Variants in RNF144A observed in about 807,000 individuals in gnomAD.
RNF144A encodes E3 ubiquitin-protein ligase RNF144A.
A neutral mutation model predicts 38.7 loss-of-function variants in RNF144A; 11 were observed. That is an observed-to-expected ratio of 0.28 (90% confidence interval 0.18 to 0.47). The LOEUF (loss-of-function observed/expected upper bound fraction) is 0.47, where lower values mean the gene tolerates loss of function less well. Ranked by LOEUF, RNF144A falls within the 20% of genes least tolerant of loss-of-function variation. The pLI is 0.99. For missense variants in RNF144A, 316 were observed against 377.2 expected, an observed-to-expected ratio of 0.84 and a Z score of 1.34; for synonymous variants, 149 against 143.9, an observed-to-expected ratio of 1.04 and a Z score of -0.25.
At position 6,990,385 on chromosome 2, in the gene RNF144A, TACACACACACACACACACACACAC is replaced by T. The variant is rs60196595; in HGVS notation, c.-11-6503_-11-6480del. ...TTCCTTCCTAAAGACTATATATATT[TACACACACACACACACACACACAC>T]ACACACACACACACACACACACACA... On this transcript the variant is annotated intron_variant, in intron 2 of 8. Transcript: ENST00000320892. Among the ~76,000 whole-genome samples the T allele has an allele frequency of 5.6e-5, 7 of 123,894 alleles. No homozygotes were observed. The South Asian group carries it at 8.2e-4, about 14-fold the overall frequency. The allele number at this position is 123,894 out of a possible 152,430, so 81.3% of individuals were successfully genotyped here.
chr2:6,974,362 G>C (rs974496548), intron 2 of RNF144A, among the ~76,000 whole-genome samples: 2 of 152,158 alleles, frequency 1.3e-5, no homozygotes, highest in Non-Finnish European at 1.5e-5. Flanking sequence ...TGCCGTTGCC[G>C]TGTCCGTGGT....
downstream of RNF144A, among the ~76,000 whole-genome samples, chr2:7,071,336 C>T (rs1035291363): frequency 1.3e-5 from 2 of 152,168 alleles, no homozygotes; most frequent in African/African-American, 4.8e-5. Context: ...TTGGATTTCC[C>T]TAGCATGGGA....
At chr2:7,052,198 G>A (rs1274742953) in intron 6 of RNF144A, among the ~76,000 whole-genome samples, 3 of 152,012 alleles carry the variant, frequency 2.0e-5, no homozygotes, top group Non-Finnish European at 4.4e-5. Context: ...AAAACAAAAC[G>A]CTGGCCGTGG....
At chr2:7,069,150 T>C (rs1471294534), downstream of RNF144A, among the ~76,000 whole-genome samples, 3 of 152,150 alleles carry the variant, frequency 2.0e-5, no homozygotes, top group Admixed American at 2.0e-4. Flanking sequence ...AGGTGTTGAG[T>C]TGGGGATAGC....
At chr2:6,977,331 G>A (rs1043190068) in intron 2 of RNF144A, among the ~76,000 whole-genome samples, 1 of 152,254 alleles carries the variant, frequency 6.6e-6, no homozygotes, top group Non-Finnish European at 1.5e-5. Flanking sequence ...GGAAGGGAAA[G>A]TTGCGTATGC....
rs1572488938 is a variant in RNF144A at position 7,056,591 on chromosome 2, G to A, written c.735-11625G>A. On this transcript the variant is annotated intron_variant, in intron 6 of 6. Coordinates refer to the RNF144A transcript ENST00000432850. The stretch of plus-strand genomic sequence containing the variant: ...CTCTCTTCTAGGTCATTCCAGTTAT[G>A]GTTCCTGCAGCACTGGCCCCATTCC... Among the ~76,000 whole-genome samples the A allele has an allele frequency of 3.9e-5, 6 of 152,262 alleles. No homozygotes were observed. The South Asian group carries it at 1.2e-3, about 32-fold the overall frequency.
chr2:7,041,814 C>T lies in RNF144A; in HGVS notation c.*2054C>T, dbSNP rs373565609. ...TGAGCCCACACAGTAGCACCCCCGT[C>T]CTTAGGATGAGAGTCAGAGCCTTTG... On this transcript the variant is annotated 3_prime_UTR_variant, in exon 9 of 9. Coordinates refer to ENST00000320892, the MANE Select transcript of RNF144A (RefSeq NM_014746.6). The T allele has an allele frequency of 3.0e-6, 3 of 985,526 alleles. No homozygotes were observed. The highest frequency in any genetic ancestry group is 2.3e-4 in the East Asian group (2 of 8,814). 61.0% of individuals were successfully genotyped at this position (985,526 alleles called of 1,614,324 possible).
chr2:6,985,293 T>C (rs897993384), intron 2 of RNF144A, among the ~76,000 whole-genome samples: 1 of 119,578 alleles, frequency 8.4e-6, no homozygotes, highest in Non-Finnish European at 1.7e-5. Context: ...TTTTTTTTTT[T>C]AACAATGAGA....
chr2:6,942,665 C>T lies in RNF144A; in HGVS notation c.-12+1518C>T, dbSNP rs115545977. On this transcript the variant is annotated intron_variant, in intron 2 of 8. Transcript: ENST00000320892. Reference sequence around the variant, plus strand: ...TCACCAGTGGAGATGGAGTAGGTTGCAGCCAGAGAAGGTTTGGGTGCAAAA... The same window carrying T: ...TCACCAGTGGAGATGGAGTAGGTTGTAGCCAGAGAAGGTTTGGGTGCAAAA... 8.5e-3 allele frequency among the ~76,000 whole-genome samples: 1,296 copies of T among 152,276 alleles called. 18 individuals are homozygous for T. Among genetic ancestry groups the T allele is most frequent in the African/African-American group, 0.029 (1,204 of 41,546 alleles).
chr2:6,996,489 C>A (rs1669748891), intron 2 of RNF144A, among the ~76,000 whole-genome samples: 1 of 152,060 alleles, frequency 6.6e-6, no homozygotes, highest in Non-Finnish European at 1.5e-5. Flanking sequence ...GGCAGGCACC[C>A]CTGGTTAAAA....
intron 2 of RNF144A, among the ~76,000 whole-genome samples, chr2:6,991,948 CACATATGTCAG>C (rs1669413392): frequency 6.6e-6 from 1 of 152,132 alleles, no homozygotes; most frequent in African/African-American, 2.4e-5. Context: ...GGTAAATTCA[CACATATGTCAG>C]ACTTTGAGGG....
rs532842890 is a variant in RNF144A, at chr2:6,934,432, C to T, written c.-211-6516C>T. Among the ~76,000 whole-genome samples the T allele has an allele frequency of 4.7e-4, 71 of 152,150 alleles. No homozygotes were observed. The South Asian group carries it at 5.0e-3, about 11-fold the overall frequency. ...TAATGAGAATAATTATTCCCAGTTT[C>T]GTTACTTACTTTTTACTTGTCTTAT... On this transcript the variant is annotated intron_variant, in intron 1 of 8. Coordinates refer to ENST00000320892, the MANE Select transcript of RNF144A (RefSeq NM_014746.6).
At chr2:6,986,494 C>A (rs1668976112) in intron 2 of RNF144A, among the ~76,000 whole-genome samples, 1 of 152,140 alleles carries the variant, frequency 6.6e-6, no homozygotes, top group Non-Finnish European at 1.5e-5. Flanking sequence ...CCCTCAAGAT[C>A]AGCAAGTACT....
rs1222000840 is a variant in RNF144A at position 6,943,803 on chromosome 2, T to G, written c.-12+2656T>G. Among the ~76,000 whole-genome samples, 3 of 152,138 alleles carry G rather than the reference T, an allele frequency of 2.0e-5. No homozygotes were observed. Among genetic ancestry groups the G allele is most frequent in the Non-Finnish European group, 4.4e-5 (3 of 68,020 alleles). ...TGAAATGGGAGTCAAAGCCAGCATC[T>G]GAGCATGCTACATGGAGAGGGATTG... On this transcript the variant is annotated intron_variant, in intron 2 of 8. Transcript: ENST00000320892. The surrounding 1 kb of genome is among the most constrained non-coding windows in gnomAD (Gnocchi z 4.3).
intron 2 of RNF144A, among the ~76,000 whole-genome samples, chr2:6,995,128 G>T (rs1018387980): frequency 1.3e-5 from 2 of 152,188 alleles, no homozygotes; most frequent in Non-Finnish European, 2.9e-5. Flanking sequence ...GAATTCACCA[G>T]GTGGGTTTTC....
chr2:7,027,698 G>C (rs563023975), intron 7 of RNF144A, among the ~76,000 whole-genome samples: 2 of 152,080 alleles, frequency 1.3e-5, no homozygotes, highest in Non-Finnish European at 2.9e-5. Flanking sequence ...ATCCCACCCC[G>C]GAGTTCAATG....
chr2:7,004,027 C>T (rs1572381468), intron 3 of RNF144A, among the ~76,000 whole-genome samples: 1 of 152,216 alleles, frequency 6.6e-6, no homozygotes, highest in Non-Finnish European at 1.5e-5. Context: ...CTTTAACTTC[C>T]CTCTCTCCTC....
intron 1 of RNF144A, among the ~76,000 whole-genome samples, chr2:6,935,184 A>G (rs911405543): frequency 2.6e-5 from 4 of 151,986 alleles, no homozygotes; most frequent in African/African-American, 4.8e-5. Context: ...CTAATTCACC[A>G]TCTTCATCTT....
chr2:7,072,420 A>C (rs1674516858), downstream of RNF144A, among the ~76,000 whole-genome samples: 1 of 152,188 alleles, frequency 6.6e-6, no homozygotes, highest in Admixed American at 6.5e-5. Flanking sequence ...AGATGAATGG[A>C]GGGAAGAACT....
Sources: allele counts gnomAD v4.1 joint callset (sites outside exome capture counted in the v4.1 genomes callset), GRCh38; gene constraint gnomAD v4.1.1; non-coding constraint Gnocchi (gnomAD v3.1); transcripts MANE v1.5; gene names NCBI Gene and HGNC (gene_info 2026-07-23, HGNC 2026-07-21).